STK11: variants seen among roughly 807,000 people sequenced by gnomAD.
STK11 encodes serine/threonine kinase 11.
Under a neutral mutation model 47.3 loss-of-function variants are expected in STK11, and 8 were observed. The ratio of observed to expected loss-of-function variants is 0.17; its 90% CI spans 0.10 to 0.31. The LOEUF is 0.31. Ranked by LOEUF, STK11 falls within the 10% of genes least tolerant of loss-of-function variation. STK11 has a pLI of 1.00. For synonymous variants in STK11, 330 were observed against 255.8 expected (o/e 1.29, Z -2.77); for missense variants, 475 against 605.0 (o/e 0.79, Z 2.25).
chr19:1,210,634 C>A (rs2080703304), intron 1 of STK11, among the ~76,000 whole-genome samples: 1 of 152,226 alleles, frequency 6.6e-6, no homozygotes. Flanking sequence ...CTTTGGGAGG[C>A]CAAGGCGGGT....
chr19:1,221,825 G>T, intron 6 of STK11, 124 bp from the exon 7 acceptor site: 1 of 1,131,484 alleles, frequency 8.8e-7, no homozygotes, highest in Non-Finnish European at 1.3e-6. Flanking sequence ...CTGTGCGCGG[G>T]GTCCCCCTTA....
At chr19:1,207,324 C>G in intron 1 of STK11, 121 bp downstream of exon 1, 3 of 1,334,476 alleles carry the variant, frequency 2.2e-6, no homozygotes, top group Non-Finnish European at 3.0e-6. Flanking sequence ...GAGCTGGACC[C>G]GTCTGGCGCC....
rs935371253 is a variant in STK11, at chr19:1,206,612, G to A, written c.-302G>A. On this transcript the variant is annotated 5_prime_UTR_variant, in exon 1 of 10. Transcript: ENST00000326873. The stretch of plus-strand genomic sequence containing the variant: ...CGAGGACGAAGTTGACCCTGACCGG[G>A]CCGTCTCCCAGTTCTGAGGCCCGGG... 3 of 475,104 alleles carry A rather than the reference G, an allele frequency of 6.3e-6. No homozygotes were observed. The highest frequency in any genetic ancestry group is 1.1e-5 in the Non-Finnish European group (3 of 267,032). 29.4% of individuals were successfully genotyped at this position (475,104 alleles called of 1,614,324 possible).
At chr19:1,226,994 C>T in intron 9 of STK11, 1 of 330,722 alleles carries the variant, frequency 3.0e-6, no homozygotes, top group Non-Finnish European at 5.6e-6. Context: ...CGCGCCGCTT[C>T]CAGGAAAGGC....
At chr19:1,225,334 G>A in intron 8 of STK11, 13 of 960,424 alleles carry the variant, frequency 1.4e-5, no homozygotes, top group Non-Finnish European at 1.6e-5. Context: ...GTGCTGTGGT[G>A]CGATCTCGGC....
rs762482152 is a variant in STK11 at position 1,226,603 on chromosome 19, G to T, written c.1258G>T (p.Ala420Ser). 1.7e-5 allele frequency: 26 copies of T among 1,562,492 alleles called. No homozygotes were observed. Among genetic ancestry groups the T allele is most frequent in the Non-Finnish European group, 2.2e-5 (25 of 1,155,622 alleles). Reference sequence around the variant, plus strand: ...CAACCCTGCCCGCAAGGCCTGCTCCGCCAGCAGCAAGATCCGCCGGCTGTC... The same window carrying T: ...CAACCCTGCCCGCAAGGCCTGCTCCTCCAGCAGCAAGATCCGCCGGCTGTC... ...APNPARKACSASSKIRRLSAC... is the reference protein window; with the variant it reads ...APNPARKACSSSSKIRRLSAC... The change falls in exon 9 of 10, where the codon GCC (alanine) becomes TCC (serine). Residue 420 changes from alanine (A) to serine (S), a missense_variant. By Grantham distance (99) the Ala-to-Ser change is moderately conservative. Around this residue, in one of 5 missense-constraint regions of STK11, gnomAD observed 219 missense variants for 189.2 expected, o/e 1.16. Coordinates refer to ENST00000326873, the MANE Select transcript of STK11 (RefSeq NM_000455.5).
intron 1 of STK11, among the ~76,000 whole-genome samples, chr19:1,216,855 A>G (rs1376880120): frequency 6.7e-6 from 1 of 149,808 alleles, no homozygotes; most frequent in Non-Finnish European, 1.5e-5. Context: ...AAAAAAGTGC[A>G]TCACACACTG....
intron 5 of STK11, among the ~76,000 whole-genome samples, 177 bp from the exon 6 acceptor site, chr19:1,221,036 C>T (rs2080779873): frequency 6.6e-6 from 1 of 152,170 alleles, no homozygotes; most frequent in South Asian, 2.1e-4. Context: ...AGGACACTCC[C>T]CTCCTACCCC....
chr19:1,215,371 G>A (rs574606277), intron 1 of STK11, among the ~76,000 whole-genome samples: 47 of 152,362 alleles, frequency 3.1e-4, no homozygotes, highest in African/African-American at 9.6e-4. Flanking sequence ...TGGAAGTGGG[G>A]GACGCTTTCA....
At position 1,227,686 on chromosome 19, in the gene STK11, C is replaced by G. The variant is rs1222010896; in HGVS notation, c.*110C>G. On this transcript the variant is annotated 3_prime_UTR_variant, in exon 10 of 10. Coordinates refer to ENST00000326873, the MANE Select transcript of STK11 (RefSeq NM_000455.5). ...TCCCGGAGAGGTGGCCGCCATGCTTCTGTGCCGACCACGCCCCAGGACCTC... is the reference window on the plus strand; with the variant it reads ...TCCCGGAGAGGTGGCCGCCATGCTTGTGTGCCGACCACGCCCCAGGACCTC... 9.4e-7 allele frequency: 1 copy of G among 1,069,354 alleles called. No individual in the cohort carries two copies. The highest frequency in any genetic ancestry group is 4.8e-5 in the East Asian group (1 of 20,622). 66.2% of individuals were successfully genotyped at this position (1,069,354 alleles called of 1,614,324 possible).
At chr19:1,223,920 G>A (rs112611209) in intron 8 of STK11, 1 of 1,013,804 alleles carries the variant, frequency 9.9e-7, no homozygotes, top group Non-Finnish European at 1.2e-6. Flanking sequence ...AGCCTGAGGG[G>A]GCTTTCTGCT....
intron 5 of STK11, 118 bp from the exon 6 acceptor site, chr19:1,221,095 C>T (rs757983382): frequency 2.0e-4 from 293 of 1,440,172 alleles, no homozygotes; most frequent in African/African-American, 2.7e-4. Context: ...TCCTTGAGTC[C>T]ACAGGGCCTC....
chr19:1,226,662 AGGTGGGGCGCGGCGGGGCCCG>A lies in STK11; in HGVS notation c.*16+8_*16+28del, dbSNP rs751421781. 1 of 1,504,256 alleles carries A rather than the reference AGGTGGGGCGCGGCGGGGCCCG, an allele frequency of 6.6e-7. No homozygotes were observed. The highest frequency in any genetic ancestry group is 1.3e-5 in the South Asian group (1 of 78,776). The allele number at this position is 1,504,256 out of a possible 1,614,324, so 93.2% of individuals were successfully genotyped here. On this transcript the variant is annotated splice_donor_variant and splice_donor_5th_base_variant and 3_prime_UTR_variant and intron_variant, in exon 9 of 10. Coordinates refer to ENST00000326873, the MANE Select transcript of STK11 (RefSeq NM_000455.5). LOFTEE classifies it low-confidence loss of function (3UTR_SPLICE). ...AGCAGCAGTGAGGCTGGCCGCCTGC[AGGTGGGGCGCGGCGGGGCCCG>A]GGTGGGGCATGTGGGGACAACGCCT...
In STK11 at chr19:1,227,899, C is replaced by T. The variant is rs2080838244; in HGVS notation, c.*323C>T. The T allele has an allele frequency of 9.3e-7, 1 of 1,069,954 alleles. No individual in the cohort carries two copies. The highest frequency in any genetic ancestry group is 4.8e-5 in the East Asian group (1 of 20,742). 66.3% of individuals were successfully genotyped at this position (1,069,954 alleles called of 1,614,324 possible). A position where few individuals can be genotyped will look rare whatever the true frequency, so the allele number is the denominator to read the frequency against. ...GGAGACTACTGGCCCCGCCCGTGGC[C>T]TCGTGCTCCGCAGGGCGCCCAGCGC... On this transcript the variant is annotated 3_prime_UTR_variant, in exon 10 of 10. Coordinates refer to ENST00000326873, the MANE Select transcript of STK11 (RefSeq NM_000455.5).
At position 1,225,676 on chromosome 19, in the gene STK11, C is replaced by T. The variant is rs1230228412; in HGVS notation, c.1109-778C>T. The stretch of plus-strand genomic sequence containing the variant: ...CTGGTCCATTCTCGGAGCTGGGGCT[C>T]TGCACTGGGCACATGAGCTCTGGGG... On this transcript the variant is annotated intron_variant, in intron 8 of 9. Coordinates refer to ENST00000326873, the MANE Select transcript of STK11 (RefSeq NM_000455.5). 3 of 985,448 alleles carry T rather than the reference C, an allele frequency of 3.0e-6. No individual in the cohort carries two copies. In the African/African-American group the frequency reaches 5.2e-5, roughly 17 times the overall value. The allele number at this position is 985,448 out of a possible 1,614,324, so 61.0% of individuals were successfully genotyped here.
At chr19:1,211,774 C>T (rs941637072) in intron 1 of STK11, among the ~76,000 whole-genome samples, 1 of 152,264 alleles carries the variant, frequency 6.6e-6, no homozygotes, top group East Asian at 1.9e-4. Flanking sequence ...CGGTGTCCAG[C>T]CAGGAGGTGG....
At chr19:1,211,711 G>T (rs1333691312) in intron 1 of STK11, among the ~76,000 whole-genome samples, 2 of 152,260 alleles carry the variant, frequency 1.3e-5, no homozygotes, top group Non-Finnish European at 2.9e-5. Context: ...CACTGCTGCC[G>T]TAGGAAACGG....
In STK11 at chr19:1,206,230, A is replaced by C. The variant is rs1008195906; in HGVS notation, c.-684A>C. Reference sequence around the variant, plus strand: ...CCCTCGCGGGCGCCGGGCAGCGACCAGCCCTGAGCGGAGCTGTTGGCCGCG... The same window carrying C: ...CCCTCGCGGGCGCCGGGCAGCGACCCGCCCTGAGCGGAGCTGTTGGCCGCG... On this transcript the variant is annotated 5_prime_UTR_variant, in exon 1 of 10. Coordinates refer to ENST00000326873, the MANE Select transcript of STK11 (RefSeq NM_000455.5). 6 of 189,530 alleles carry C rather than the reference A, an allele frequency of 3.2e-5. No homozygotes were observed. The highest frequency in any genetic ancestry group is 6.6e-5 in the Non-Finnish European group (6 of 91,016). The allele number at this position is 189,530 out of a possible 1,614,324, so 11.7% of individuals were successfully genotyped here.
At chr19:1,225,096 T>A (rs1182871461) in intron 8 of STK11, 1 of 985,930 alleles carries the variant, frequency 1.0e-6, no homozygotes, top group African/African-American at 1.7e-5. Context: ...GGGCTTGGGC[T>A]AGATCCTGGG....
Sources: allele counts gnomAD v4.1 joint callset (sites outside exome capture counted in the v4.1 genomes callset), GRCh38; gene constraint gnomAD v4.1.1; regional missense constraint gnomAD v4.1.1; transcripts MANE v1.5; gene names NCBI Gene and HGNC (gene_info 2026-07-23, HGNC 2026-07-21).